Variants in ZNRF1 observed in about 807,000 individuals in gnomAD.
ZNRF1 encodes zinc and ring finger 1, also known as E3 ubiquitin-protein ligase ZNRF1.
In ZNRF1, 3 loss-of-function variants were observed where a neutral mutation model predicts 18.4. The ratio of observed to expected loss-of-function variants is 0.16; its 90% CI spans 0.07 to 0.42. The LOEUF is 0.42. Among genes scored for constraint, ZNRF1 ranks in the 10% least tolerant of loss-of-function variants. ZNRF1 has a pLI of 0.99. For synonymous variants in ZNRF1, 157 were observed against 144.2 expected (o/e 1.09, Z -0.64); for missense variants, 310 against 329.8 (o/e 0.94, Z 0.47).
intron 1 of ZNRF1, among the ~76,000 whole-genome samples, chr16:75,007,051 A>G (rs2034928428): frequency 7.0e-6 from 1 of 142,712 alleles, no homozygotes; most frequent in Non-Finnish European, 1.5e-5. Context: ...CAAATAACCA[A>G]GTTTAATCTT....
At chr16:75,018,982 A>G (rs761682885) in intron 1 of ZNRF1, among the ~76,000 whole-genome samples, 1 of 152,114 alleles carries the variant, frequency 6.6e-6, no homozygotes, top group Non-Finnish European at 1.5e-5. Context: ...CCTGGCTAAC[A>G]TGATGAAACC....
At chr16:75,061,616 C>A (rs1006025470) in intron 1 of ZNRF1, among the ~76,000 whole-genome samples, 3 of 151,874 alleles carry the variant, frequency 2.0e-5, no homozygotes, top group Admixed American at 2.0e-4. Context: ...ACCACGTTTT[C>A]TTTAAACATT....
In ZNRF1 at chr16:75,092,504, A is replaced by G. The variant is rs577298667; in HGVS notation, c.425-1068A>G. 3.9e-5 allele frequency among the ~76,000 whole-genome samples: 6 copies of G among 152,388 alleles called. No individual in the cohort carries two copies. The East Asian group carries it at 1.2e-3, about 29-fold the overall frequency. ...TTCAGTGGCAACAGATCTTTTTGAT[A>G]GAATGTATATGGAAAAGAATTGATC... On this transcript the variant is annotated intron_variant, in intron 1 of 4. Transcript: ENST00000335325.
In ZNRF1 at chr16:75,084,323, A is replaced by G. The variant is rs150391029; in HGVS notation, c.425-9249A>G. The G allele has an allele frequency of 1.9e-3, 297 of 152,356 alleles. 4 individuals are homozygous for G. Among genetic ancestry groups the G allele is most frequent in the African/African-American group, 6.5e-3 (270 of 41,578 alleles). 9.4% of individuals were successfully genotyped at this position (152,356 alleles called of 1,614,324 possible). On this transcript the variant is annotated intron_variant, in intron 1 of 4. Transcript: ENST00000335325. ...CACCAGGGGAAGTAATGAAACATAT[A>G]GAAGAAAATTTCTCTAAAGAAGGAA...
chr16:75,088,289 C>T (rs1239490870), intron 1 of ZNRF1, among the ~76,000 whole-genome samples: 1 of 152,206 alleles, frequency 6.6e-6, no homozygotes, highest in Admixed American at 6.5e-5. Flanking sequence ...GGATATTAGT[C>T]TTTTCTAGCT....
At chr16:75,074,500 A>G (rs921746869) in intron 1 of ZNRF1, among the ~76,000 whole-genome samples, 1 of 152,250 alleles carries the variant, frequency 6.6e-6, no homozygotes, top group African/African-American at 2.4e-5. Context: ...TCTTCAAAAT[A>G]ATCTGGTGCA....
chr16:75,053,300 C>T (rs1323384726), intron 1 of ZNRF1, among the ~76,000 whole-genome samples: 2 of 152,052 alleles, frequency 1.3e-5, no homozygotes, highest in Non-Finnish European at 2.9e-5. Flanking sequence ...ACATAAAAAT[C>T]GCCAATGGCT....
chr16:75,022,935 C>G (rs1261654887), intron 1 of ZNRF1, among the ~76,000 whole-genome samples: 2 of 152,192 alleles, frequency 1.3e-5, no homozygotes, highest in Admixed American at 6.5e-5. Context: ...GACGGTGTTG[C>G]ATTCTTAGGA....
At chr16:75,102,920 A>G (rs898818230) in intron 2 of ZNRF1, among the ~76,000 whole-genome samples, 2 of 152,184 alleles carry the variant, frequency 1.3e-5, no homozygotes, top group African/African-American at 2.4e-5. Context: ...CCCAGACACC[A>G]CAGCAGAACA....
At chr16:75,020,821 C>T (rs1597862003) in intron 1 of ZNRF1, among the ~76,000 whole-genome samples, 1 of 152,114 alleles carries the variant, frequency 6.6e-6, no homozygotes, top group East Asian at 1.9e-4. Context: ...GGATTACAGG[C>T]GTGAGCCACC....
At chr16:75,052,561 A>C (rs2035619452) in intron 1 of ZNRF1, among the ~76,000 whole-genome samples, 1 of 152,112 alleles carries the variant, frequency 6.6e-6, no homozygotes. Flanking sequence ...GGGGATGTGA[A>C]AGTCCTCCTC....
intron 1 of ZNRF1, among the ~76,000 whole-genome samples, chr16:75,054,299 T>C (rs367871341): frequency 6.6e-6 from 1 of 152,216 alleles, no homozygotes; most frequent in African/African-American, 2.4e-5. Flanking sequence ...CAGTGACCTT[T>C]GTTGTGAGGG....
At chr16:75,036,175 A>G (rs936462043) in intron 1 of ZNRF1, among the ~76,000 whole-genome samples, 1 of 152,060 alleles carries the variant, frequency 6.6e-6, no homozygotes, top group African/African-American at 2.4e-5. Context: ...GGCTCATGTG[A>G]TCCTCCTACC....
intron 1 of ZNRF1, among the ~76,000 whole-genome samples, chr16:75,045,716 C>CTTTTTTT (rs895489865): frequency 7.7e-6 from 1 of 130,374 alleles, no homozygotes; most frequent in Non-Finnish European, 1.6e-5. Context: ...TCTTCTTCGT[C>CTTTTTTT]TTTTTTTTTT....
chr16:75,014,972 T>G (rs2035048127), intron 1 of ZNRF1, among the ~76,000 whole-genome samples: 1 of 152,156 alleles, frequency 6.6e-6, no homozygotes, highest in Admixed American at 6.5e-5. Flanking sequence ...ATGTCTTTGA[T>G]TCATGTTTAT....
intron 1 of ZNRF1, among the ~76,000 whole-genome samples, chr16:75,043,665 A>G (rs2035477512): frequency 6.6e-6 from 1 of 152,130 alleles, no homozygotes; most frequent in Non-Finnish European, 1.5e-5. Context: ...TAAAAGAGAC[A>G]GTATATGGCA....
At chr16:75,078,709 C>G (rs1430023667) in intron 1 of ZNRF1, among the ~76,000 whole-genome samples, 1 of 152,208 alleles carries the variant, frequency 6.6e-6, no homozygotes, top group African/African-American at 2.4e-5. Flanking sequence ...AGTTAGTCTT[C>G]AAGGTGAAAA....
At chr16:75,059,422 A>AT (rs2035715137) in intron 1 of ZNRF1, among the ~76,000 whole-genome samples, 1 of 150,892 alleles carries the variant, frequency 6.6e-6, no homozygotes, top group Non-Finnish European at 1.5e-5. Context: ...TAAGTTTTGT[A>AT]TTTTTTGTAG....
intron 1 of ZNRF1, among the ~76,000 whole-genome samples, chr16:75,081,098 G>A (rs188557432): frequency 6.2e-4 from 95 of 152,188 alleles, no homozygotes; most frequent in Non-Finnish European, 1.0e-3. Flanking sequence ...GCGTGAACCC[G>A]GGAGGCGGAG....
Sources: gnomAD v4.1 joint callset for allele counts (sites outside exome capture counted in the v4.1 genomes callset) on GRCh38, gnomAD v4.1.1 for gene constraint, MANE v1.5 for transcripts, NCBI Gene and HGNC (gene_info 2026-07-23, HGNC 2026-07-21) for gene names.